The following ELOVL6 variants were observed in gnomAD, a reference collection of about 807,000 sequenced individuals.
ELOVL6 encodes ELOVL fatty acid elongase 6, also known as very long chain fatty acid elongase 6.
A neutral mutation model predicts 31.7 loss-of-function variants in ELOVL6; 8 were observed. The ratio of observed to expected loss-of-function variants is 0.25; its 90% CI spans 0.15 to 0.45. The LOEUF (loss-of-function observed/expected upper bound fraction) is 0.45, where lower values mean the gene tolerates loss of function less well. ELOVL6 is among the 20% of genes least tolerant of loss of function. The pLI, the probability that ELOVL6 is intolerant of heterozygous loss-of-function variation, is 1.00. For missense variants in ELOVL6, 126 were observed against 326.4 expected, an observed-to-expected ratio of 0.39 and a Z score of 4.73; for synonymous variants, 101 against 117.7, an observed-to-expected ratio of 0.86 and a Z score of 0.92.
intron 2 of ELOVL6, among the ~76,000 whole-genome samples, chr4:110,100,179 T>C (rs1413107834): frequency 6.6e-6 from 1 of 152,174 alleles, no homozygotes; most frequent in Admixed American, 6.5e-5. Flanking sequence ...GACCTGGTGA[T>C]TTGGTTCTGA....
At chr4:110,180,043 G>A (rs991930381) in intron 1 of ELOVL6, among the ~76,000 whole-genome samples, 10 of 152,214 alleles carry the variant, frequency 6.6e-5, no homozygotes, top group Non-Finnish European at 1.0e-4. Flanking sequence ...TTAGTCAGAA[G>A]ACAAACTCTT....
intron 1 of ELOVL6, among the ~76,000 whole-genome samples, chr4:110,106,703 T>A (rs1239092015): frequency 6.6e-6 from 1 of 152,174 alleles, no homozygotes; most frequent in Non-Finnish European, 1.5e-5. Context: ...GTGACCCGTA[T>A]CTTGTGCCAA....
chr4:110,089,681 A>G (rs1578472842), intron 2 of ELOVL6, among the ~76,000 whole-genome samples: 1 of 151,230 alleles, frequency 6.6e-6, no homozygotes. Flanking sequence ...TATGAAATAT[A>G]TGAGATCCTT....
At position 110,084,471 on chromosome 4, in the gene ELOVL6, A is replaced by G. The variant is rs575430487; in HGVS notation, c.221+21026T>C. On this transcript the variant is annotated intron_variant, in intron 2 of 3. Coordinates refer to ENST00000302274, the MANE Select transcript of ELOVL6 (RefSeq NM_024090.3). ...TCGCATATATCATATATGATATATAACAATATACACTATAATGTATACACA... is the reference window on the plus strand; with the variant it reads ...TCGCATATATCATATATGATATATAGCAATATACACTATAATGTATACACA... Among the ~76,000 whole-genome samples the G allele has an allele frequency of 4.0e-3, 409 of 102,170 alleles. 24 individuals carry two copies. Among genetic ancestry groups the G allele is most frequent in the African/African-American group, 0.016 (334 of 21,076 alleles). 67.0% of individuals were successfully genotyped at this position (102,170 alleles called of 152,430 possible).
intron 2 of ELOVL6, among the ~76,000 whole-genome samples, chr4:110,084,135 A>ATATGATATATAACATATATG (rs1553955997): frequency 3.7e-4 from 13 of 35,298 alleles, no homozygotes; most frequent in African/African-American, 3.2e-3. Flanking sequence ...ATATGTGATA[A>ATATGATATATAACATATATG]TGATATATAT....
chr4:110,179,019 T>C (rs1469374191), intron 1 of ELOVL6, among the ~76,000 whole-genome samples: 3 of 152,192 alleles, frequency 2.0e-5, no homozygotes, highest in Admixed American at 6.5e-5. Context: ...ATAATGTTTA[T>C]GCTTTTACAA....
intron 2 of ELOVL6, among the ~76,000 whole-genome samples, chr4:110,086,306 C>T (rs1578470501): frequency 6.6e-6 from 1 of 152,190 alleles, no homozygotes; most frequent in East Asian, 1.9e-4. Context: ...TCTTTCATCC[C>T]AAAATAGGGA....
At chr4:110,117,073 G>A (rs1757189141) in intron 1 of ELOVL6, among the ~76,000 whole-genome samples, 1 of 152,204 alleles carries the variant, frequency 6.6e-6, no homozygotes, top group South Asian at 2.1e-4. Flanking sequence ...CTCACAGAGG[G>A]TGATGATTTT....
chr4:110,066,470 A>G (rs986945474), intron 2 of ELOVL6, among the ~76,000 whole-genome samples: 12 of 151,688 alleles, frequency 7.9e-5, no homozygotes, highest in African/African-American at 2.9e-4. Flanking sequence ...CCCCGTCTCT[A>G]CTAAAAATAC....
intron 1 of ELOVL6, among the ~76,000 whole-genome samples, chr4:110,135,749 C>G (rs956512523): frequency 6.6e-6 from 1 of 152,134 alleles, no homozygotes; most frequent in Non-Finnish European, 1.5e-5. Context: ...CTATTATCAG[C>G]AATGGTCTGA....
At chr4:110,073,477 G>T (rs920124440) in intron 2 of ELOVL6, among the ~76,000 whole-genome samples, 3 of 152,222 alleles carry the variant, frequency 2.0e-5, no homozygotes, top group South Asian at 2.1e-4. Flanking sequence ...GTGGGTATTT[G>T]TGAGCTATGA....
intron 2 of ELOVL6, among the ~76,000 whole-genome samples, chr4:110,089,502 C>T (rs910137729): frequency 6.6e-6 from 1 of 152,122 alleles, no homozygotes; most frequent in Admixed American, 6.5e-5. Flanking sequence ...GATGACTGTA[C>T]ATACAGACAG....
At chr4:110,147,976 T>C (rs2126264156) in intron 1 of ELOVL6, among the ~76,000 whole-genome samples, 1 of 151,934 alleles carries the variant, frequency 6.6e-6, no homozygotes. Flanking sequence ...TAGCTGGGTG[T>C]GGTGGCGCAT....
At chr4:110,073,946 C>T (rs1478592921) in intron 2 of ELOVL6, among the ~76,000 whole-genome samples, 1 of 152,172 alleles carries the variant, frequency 6.6e-6, no homozygotes, top group East Asian at 1.9e-4. Context: ...TTTGTCTCCT[C>T]CTTCTCTGCA....
At chr4:110,185,667 C>T (rs887810011) in intron 1 of ELOVL6, among the ~76,000 whole-genome samples, 4 of 152,018 alleles carry the variant, frequency 2.6e-5, no homozygotes, top group Admixed American at 2.6e-4. Flanking sequence ...ATTAAGACAA[C>T]CATGCAGAAA....
chr4:110,115,998 T>A (rs975501371), intron 1 of ELOVL6, among the ~76,000 whole-genome samples: 1 of 152,152 alleles, frequency 6.6e-6, no homozygotes, highest in East Asian at 1.9e-4. Context: ...CGTCACCTTA[T>A]CTGACTCTGA....
intron 1 of ELOVL6, among the ~76,000 whole-genome samples, chr4:110,132,255 G>C (rs1456703577): frequency 6.6e-6 from 1 of 152,118 alleles, no homozygotes; most frequent in Non-Finnish European, 1.5e-5. Context: ...GGGCAGATGG[G>C]AGGGGTATGA....
chr4:110,090,169 C>A (rs530311312), intron 2 of ELOVL6, among the ~76,000 whole-genome samples: 3 of 152,042 alleles, frequency 2.0e-5, no homozygotes, highest in Non-Finnish European at 2.9e-5. Context: ...AGCATTATAC[C>A]GAAACATAAA....
chr4:110,066,717 A>C (rs1755316059), intron 2 of ELOVL6, among the ~76,000 whole-genome samples: 2 of 151,702 alleles, frequency 1.3e-5, no homozygotes, highest in South Asian at 4.2e-4. Context: ...CATGCACCTC[A>C]AACTCTAAAC....
Sources: allele counts gnomAD v4.1 joint callset (sites outside exome capture counted in the v4.1 genomes callset), GRCh38; gene constraint gnomAD v4.1.1; transcripts MANE v1.5; gene names NCBI Gene and HGNC (gene_info 2026-07-23, HGNC 2026-07-21).